MCM3AP: variants seen among roughly 807,000 people sequenced by gnomAD.
MCM3AP encodes germinal-center associated nuclear protein.
MCM3AP carries 126 observed loss-of-function variants against 184.1 expected under a neutral mutation model. The ratio of observed to expected loss-of-function variants is 0.68; its 90% CI spans 0.59 to 0.79. The LOEUF (loss-of-function observed/expected upper bound fraction) is 0.79, where lower values mean the gene tolerates loss of function less well. Among genes scored for constraint, MCM3AP ranks in the 30% least tolerant of loss-of-function variants. The probability of loss-of-function intolerance (pLI) is 0.00; values close to 1 mark genes in which losing one functional copy is unlikely to be tolerated. For missense variants in MCM3AP, 2,496 were observed against 2,479.2 expected, an observed-to-expected ratio of 1.01 and a Z score of -0.14; for synonymous variants, 1,002 against 979.3, an observed-to-expected ratio of 1.02 and a Z score of -0.43.
chr21:46,283,146 G>C (rs1260112582), intron 2 of MCM3AP, among the ~76,000 whole-genome samples: 4 of 152,072 alleles, frequency 2.6e-5, no homozygotes, highest in East Asian at 1.9e-4. Flanking sequence ...AGGATGGTCT[G>C]GATCTCCTGA....
intron 26 of MCM3AP, among the ~76,000 whole-genome samples, chr21:46,239,890 GGGAT>G (rs2080623232): frequency 6.6e-6 from 1 of 152,120 alleles, no homozygotes; most frequent in African/African-American, 2.4e-5. Context: ...GATCAAGTAT[GGGAT>G]GCTACCAAGG....
chr21:46,254,994 T>A, intron 17 of MCM3AP, 150 bp from the exon 18 acceptor site: 1 of 682,370 alleles, frequency 1.5e-6, no homozygotes, highest in South Asian at 1.6e-5. Flanking sequence ...AAATATCATG[T>A]TAAGTATCCA....
At chr21:46,274,090 G>A (rs368101164) in intron 6 of MCM3AP, among the ~76,000 whole-genome samples, 34 of 152,362 alleles carry the variant, frequency 2.2e-4, no homozygotes, top group African/African-American at 7.9e-4. Flanking sequence ...GATGTACACA[G>A]GACAAGGCCC....
At chr21:46,270,038 C>A (rs970327778) in intron 9 of MCM3AP, among the ~76,000 whole-genome samples, 1 of 152,214 alleles carries the variant, frequency 6.6e-6, no homozygotes, top group Middle Eastern at 3.4e-3. Flanking sequence ...CCAGAAACTT[C>A]GATTTAAAAC....
At chr21:46,279,156 A>C (rs1180357920) in intron 4 of MCM3AP, among the ~76,000 whole-genome samples, 1 of 151,802 alleles carries the variant, frequency 6.6e-6, no homozygotes, top group Admixed American at 6.6e-5. Flanking sequence ...GGCGTGGTGG[A>C]GCGCACCTGT....
chr21:46,283,981 A>G lies in MCM3AP; in HGVS notation c.1219+87T>C. On this transcript the variant is annotated intron_variant, in intron 1 of 27. Transcript: ENST00000291688. ...AATCCCTAATGTTTATGGGAGATTTATCTGAAAAATCAAGCTAACACCCAG... is the reference window on the plus strand; with the variant it reads ...AATCCCTAATGTTTATGGGAGATTTGTCTGAAAAATCAAGCTAACACCCAG... 17 of 1,545,008 alleles carry G rather than the reference A, an allele frequency of 1.1e-5. No individual in the cohort carries two copies. The South Asian group carries it at 2.0e-4, about 19-fold the overall frequency.
chr21:46,242,839 A>G lies in MCM3AP; in HGVS notation c.5389T>C (p.Leu1797=), dbSNP rs143912728. The G allele has an allele frequency of 2.9e-5, 46 of 1,613,614 alleles. No homozygotes were observed. The African/African-American group carries it at 4.4e-4, about 15-fold the overall frequency. The change falls in exon 25 of 28, where the codon TTG becomes CTG. Residue 1797 remains leucine (L), a synonymous_variant. Transcript: ENST00000291688. ...DVPLSWEQAR[L]QTQKELQLRE... Reference sequence around the variant, plus strand: ...AGCTGTAGCTCCTTCTGCGTCTGCAACCTGGCTTGTTCCCACGACAAAGGA... The same window carrying G: ...AGCTGTAGCTCCTTCTGCGTCTGCAGCCTGGCTTGTTCCCACGACAAAGGA...
Position 46,246,782 on chromosome 21 carries a change from C to A in MCM3AP, c.4395G>T (p.Lys1465Asn), listed in dbSNP as rs145937147. The A allele has an allele frequency of 1.9e-6, 3 of 1,614,112 alleles. No individual in the cohort carries two copies. The highest frequency in any genetic ancestry group is 2.5e-6 in the Non-Finnish European group (3 of 1,180,046). ...GLMLLLPPKM[K>N]SEDMAEEDVY... The stretch of plus-strand genomic sequence containing the variant: ...CGTCCTCCTCTGCCATGTCCTCACT[C>A]TTCATTTTGGGGGGAAGCAGCAGCA... The change falls in exon 21 of 28, where the codon AAG (lysine) becomes AAT (asparagine). Residue 1465 changes from lysine (K) to asparagine (N), a missense_variant. Lys to Asn is a moderately conservative substitution (Grantham distance 94). Around this residue, in one of 5 missense-constraint regions of MCM3AP, gnomAD observed 1,323 missense variants for 1,273.4 expected, o/e 1.04. Transcript: ENST00000291688.
chr21:46,267,034 A>C lies in MCM3AP; in HGVS notation c.2737T>G (p.Cys913Gly). The C allele has an allele frequency of 1.2e-6, 2 of 1,614,226 alleles. No individual in the cohort carries two copies. The highest frequency in any genetic ancestry group is 1.7e-6 in the Non-Finnish European group (2 of 1,180,036). Reference sequence around the variant, plus strand: ...GTGAGGAAGTCGGTGGCCTCTTCACAGTCTCTGAACAGCAGCATGCGCACC... The same window carrying C: ...GTGAGGAAGTCGGTGGCCTCTTCACCGTCTCTGAACAGCAGCATGCGCACC... ...GVVRMLLFRD[C>G]EEATDFLTCH... Residue 913 changes from cysteine to glycine, a missense_variant, in exon 10 of 28, where the codon TGT (cysteine) becomes GGT (glycine). Cys to Gly is a radical substitution (Grantham distance 159). Around this residue, in one of 5 missense-constraint regions of MCM3AP, gnomAD observed 138 missense variants for 191.9 expected, o/e 0.72. Transcript: ENST00000291688.
Position 46,285,028 on chromosome 21 carries a change from G to C in MCM3AP, c.259C>G (p.Leu87Val), listed in dbSNP as rs765925790. 1 of 1,614,204 alleles carries C rather than the reference G, an allele frequency of 6.2e-7. No individual in the cohort carries two copies. Among genetic ancestry groups the C allele is most frequent in the Non-Finnish European group, 8.5e-7 (1 of 1,180,046 alleles). Residue 87 changes from leucine to valine, a missense_variant, in exon 1 of 28, where the codon CTT becomes GTT. Coordinates refer to ENST00000291688, the MANE Select transcript of MCM3AP (RefSeq NM_003906.5). The stretch of plus-strand genomic sequence containing the variant: ...GCCACAAAGGTGGAAGTGTGCTCAA[G>C]TCCAGAAAAGGGTCCAACACTTGAG... ...QTSSVGPFSG[L>V]EHTSTFVATS...
chr21:46,276,912 A>G (rs1014931725), intron 5 of MCM3AP, among the ~76,000 whole-genome samples: 7 of 150,594 alleles, frequency 4.6e-5, no homozygotes, highest in African/African-American at 1.5e-4. Context: ...CTGCTTATTT[A>G]TTATTTATTT....
intron 13 of MCM3AP, among the ~76,000 whole-genome samples, chr21:46,261,817 C>T (rs538358974): frequency 1.4e-4 from 22 of 152,036 alleles, no homozygotes; most frequent in Admixed American, 7.2e-4. Flanking sequence ...TTGAGTGTCC[C>T]TAATCCAAAA....
intron 24 of MCM3AP, 67 bp downstream of exon 24, chr21:46,243,397 TC>T: frequency 6.6e-7 from 1 of 1,513,166 alleles, no homozygotes; most frequent in Non-Finnish European, 8.9e-7. Flanking sequence ...CTAAACATCT[TC>T]CTTTGCAGAA....
chr21:46,283,536 G>A (rs1282849181), intron 2 of MCM3AP, 79 bp downstream of exon 2: 15 of 906,116 alleles, frequency 1.7e-5, no homozygotes, highest in South Asian at 3.1e-5. Flanking sequence ...AAACAACTGA[G>A]GGACCAAAAA....
chr21:46,258,451 A>G (rs988362284), intron 16 of MCM3AP, among the ~76,000 whole-genome samples: 4 of 152,130 alleles, frequency 2.6e-5, no homozygotes, highest in Non-Finnish European at 5.9e-5. Flanking sequence ...TATGATCATT[A>G]TTTTCCTTCT....
chr21:46,259,183 C>T (rs1160522389), intron 15 of MCM3AP, 92 bp from the exon 16 acceptor site: 15 of 1,306,086 alleles, frequency 1.1e-5, no homozygotes, highest in Admixed American at 6.8e-5. Context: ...CAGTCAGGCG[C>T]GGTGGCTCAC....
chr21:46,267,178 G>T, intron 9 of MCM3AP, 36 bp from the exon 10 acceptor site: 1 of 1,595,418 alleles, frequency 6.3e-7, no homozygotes, highest in Non-Finnish European at 8.5e-7. Context: ...AGTCTCAGAC[G>T]AAGGCCCAGT....
At chr21:46,257,055 C>A in intron 16 of MCM3AP, 69 bp from the exon 17 acceptor site, 1 of 1,534,774 alleles carries the variant, frequency 6.5e-7, no homozygotes, top group South Asian at 1.2e-5. Flanking sequence ...ACATTGCAGT[C>A]AGAACTCAGG....
chr21:46,275,470 A>G (rs2145703097), intron 5 of MCM3AP, 145 bp from the exon 6 acceptor site: 5 of 747,902 alleles, frequency 6.7e-6, no homozygotes, highest in Non-Finnish European at 6.2e-6. Context: ...TGTAAAACTC[A>G]GAGCCTCAGA....
Sources: allele counts gnomAD v4.1 joint callset (sites outside exome capture counted in the v4.1 genomes callset), GRCh38; gene constraint gnomAD v4.1.1; regional missense constraint gnomAD v4.1.1; transcripts MANE v1.5; gene names NCBI Gene and HGNC (gene_info 2026-07-23, HGNC 2026-07-21).